ZNF33B: variants seen among roughly 807,000 people sequenced by gnomAD.
ZNF33B encodes zinc finger protein 11b (KOX 2).
ZNF33B carries 29 observed loss-of-function variants against 45.8 expected under a neutral mutation model. The observed-to-expected ratio is 0.63, with a 90% confidence interval of 0.47 to 0.86. The LOEUF is 0.86. Among genes scored for constraint, ZNF33B ranks in the 40% least tolerant of loss-of-function variants. The pLI is 0.00. For synonymous variants in ZNF33B, 305 were observed against 307.8 expected, an observed-to-expected ratio of 0.99 and a Z score of 0.10; for missense variants, 831 against 909.9, an observed-to-expected ratio of 0.91 and a Z score of 1.12.
At chr10:42,584,552 G>A (rs1032440265), downstream of ZNF33B, among the ~76,000 whole-genome samples, 14 of 150,692 alleles carry the variant, frequency 9.3e-5, no homozygotes, top group African/African-American at 1.5e-4. Flanking sequence ...ACAGAGTTTC[G>A]CTCTTTCTCC....
At chr10:42,583,005 A>G (rs1046727279) in intron 1 of ZNF33B, 7 of 725,860 alleles carry the variant, frequency 9.6e-6, no homozygotes, top group African/African-American at 3.4e-5. Flanking sequence ...GTAGTTTGGA[A>G]GAAGGGAAGG....
At chr10:42,597,865 T>C (rs2132052861) in intron 4 of ZNF33B, among the ~76,000 whole-genome samples, 1 of 152,346 alleles carries the variant, frequency 6.6e-6, no homozygotes. Context: ...TACAATGGCA[T>C]TTTAATGTTT....
In ZNF33B at chr10:42,591,218, C is replaced by G. The variant is rs921652225; in HGVS notation, c.*1395G>C. 3.4e-6 allele frequency: 3 copies of G among 888,630 alleles called. No individual in the cohort carries two copies. The African/African-American group carries it at 5.5e-5, about 16-fold the overall frequency. 55.0% of individuals were successfully genotyped at this position (888,630 alleles called of 1,614,324 possible). A position where few individuals can be genotyped will look rare whatever the true frequency, so the allele number is the denominator to read the frequency against. On this transcript the variant is annotated 3_prime_UTR_variant, in exon 5 of 5. Transcript: ENST00000359467. ...GAAATGACAGTCCAACAGCCCTGGGCAGCAACTGGGCTGTATGTGTGGGCC... is the reference window on the plus strand; with the variant it reads ...GAAATGACAGTCCAACAGCCCTGGGGAGCAACTGGGCTGTATGTGTGGGCC...
chr10:42,631,973 T>A lies in ZNF33B; in HGVS notation c.206A>T (p.Glu69Val), dbSNP rs1293850696. Residue 69 changes from glutamate (E) to valine (V), a missense_variant, in exon 4 of 5, where the codon GAA becomes GTA. Transcript: ENST00000359467. ...EVIFRLEQGE[E>V]PWRLEEEFPS... ...GAATTCTTCCTCCAGTCTCCATGGT[T>A]CTTCTCCTTGTTCCAGCCTGAAGAT... is the stretch of plus-strand genomic sequence containing the variant. 1 of 1,614,040 alleles carries A rather than the reference T, an allele frequency of 6.2e-7. No individual in the cohort carries two copies. The highest frequency in any genetic ancestry group is 1.7e-5 in the Admixed American group (1 of 60,008).
chr10:42,605,902 C>G (rs1195606609), intron 4 of ZNF33B, among the ~76,000 whole-genome samples: 2 of 151,998 alleles, frequency 1.3e-5, no homozygotes. Context: ...TCAAGATCAG[C>G]TTAGGCAACA....
chr10:42,608,200 C>G (rs903019715), intron 4 of ZNF33B, among the ~76,000 whole-genome samples: 1 of 152,002 alleles, frequency 6.6e-6, no homozygotes. Flanking sequence ...TCAAAGTACG[C>G]GTAGCAAAAA....
intron 4 of ZNF33B, among the ~76,000 whole-genome samples, chr10:42,628,024 T>C (rs968661365): frequency 6.6e-6 from 1 of 152,126 alleles, no homozygotes; most frequent in Non-Finnish European, 1.5e-5. Flanking sequence ...CTATTCTTTT[T>C]CCTTTTTTTT....
intron 2 of ZNF33B, among the ~76,000 whole-genome samples, chr10:42,635,758 C>T (rs1396245593): frequency 1.1e-4 from 16 of 147,718 alleles, no homozygotes; most frequent in Admixed American, 1.0e-3. Context: ...TGCAGTGAGC[C>T]GAGATTGCAT....
downstream of ZNF33B, among the ~76,000 whole-genome samples, chr10:42,587,152 C>T (rs532733435): frequency 3.3e-5 from 5 of 152,110 alleles, no homozygotes; most frequent in African/African-American, 1.2e-4. Flanking sequence ...AAAGGCCAAA[C>T]CTTTGCAAGC....
Position 42,593,215 on chromosome 10 carries a change from T to C in ZNF33B, c.1735A>G (p.Lys579Glu), listed in dbSNP as rs746973310. ...SQHYRTHTGE[K>E]PYECHECGKI... The stretch of plus-strand genomic sequence containing the variant: ...CCACATTCATGACATTCATAGGGTT[T>C]CTCCCCCGTGTGTGTTCTATAATGT... Residue 579 changes from lysine to glutamate, a missense_variant, in exon 5 of 5, where the codon AAA becomes GAA. Physicochemically the swap from Lys to Glu is moderately conservative, Grantham distance 56. Transcript: ENST00000359467. 6.2e-7 allele frequency: 1 copy of C among 1,613,826 alleles called. No individual in the cohort carries two copies. Among genetic ancestry groups the C allele is most frequent in the African/African-American group, 1.3e-5 (1 of 75,032 alleles).
chr10:42,636,107 AAC>A (rs1839289232), intron 2 of ZNF33B, among the ~76,000 whole-genome samples: 1 of 152,156 alleles, frequency 6.6e-6, no homozygotes, highest in Non-Finnish European at 1.5e-5. Context: ...CCAGCCAGGC[AAC>A]AGAGCGAGAC....
At chr10:42,635,787 C>T (rs186710628) in intron 2 of ZNF33B, among the ~76,000 whole-genome samples, 2 of 141,114 alleles carry the variant, frequency 1.4e-5, no homozygotes, top group African/African-American at 2.7e-5. Flanking sequence ...TACAGCCTGG[C>T]GACAGAGCAA....
intron 4 of ZNF33B, among the ~76,000 whole-genome samples, chr10:42,626,899 CT>C (rs1707572668): frequency 6.6e-6 from 1 of 151,874 alleles, no homozygotes; most frequent in South Asian, 2.1e-4. Flanking sequence ...ATTAAGTCAA[CT>C]TTTATGAAAA....
At chr10:42,632,076 C>T in intron 3 of ZNF33B, 52 bp from the exon 4 acceptor site, 1 of 1,579,234 alleles carries the variant, frequency 6.3e-7, no homozygotes, top group African/African-American at 1.4e-5. Context: ...AGACTTCAGG[C>T]CTTTGAAGCA....
At chr10:42,614,042 G>A (rs548910378) in intron 4 of ZNF33B, among the ~76,000 whole-genome samples, 129 of 152,288 alleles carry the variant, frequency 8.5e-4, no homozygotes, top group African/African-American at 3.0e-3. Context: ...ACATTGTTCC[G>A]ATGTGTACAA....
chr10:42,593,103 T>C lies in ZNF33B; in HGVS notation c.1847A>G (p.Lys616Arg), dbSNP rs771863066. The change falls in exon 5 of 5, where the codon AAA becomes AGA. Residue 616 changes from lysine (K) to arginine (R), a missense_variant. Physicochemically the swap from Lys to Arg is conservative, Grantham distance 26. Coordinates refer to ENST00000359467, the MANE Select transcript of ZNF33B (RefSeq NM_006955.3). Reference protein sequence around the residue: ...EKPYECNECGKTFCQKSQLTQ... With the variant: ...EKPYECNECGRTFCQKSQLTQ... ...GAGTTGTGACTTCTGGCAGAAGGTT[T>C]TTCCACATTCATTACATTCATAGGG... 4.3e-5 allele frequency: 70 copies of C among 1,613,982 alleles called. No homozygotes were observed. The highest frequency in any genetic ancestry group is 5.7e-5 in the Non-Finnish European group (67 of 1,179,996).
At chr10:42,596,320 G>A (rs1837398275) in intron 4 of ZNF33B, among the ~76,000 whole-genome samples, 3 of 151,838 alleles carry the variant, frequency 2.0e-5, no homozygotes. Flanking sequence ...TGAAGAAAAA[G>A]TACTCTGGAC....
At chr10:42,577,496 C>A (rs1390619288) in intron 1 of ZNF33B, among the ~76,000 whole-genome samples, 1 of 152,226 alleles carries the variant, frequency 6.6e-6, no homozygotes, top group Non-Finnish European at 1.5e-5. Flanking sequence ...TGTAAGTTGT[C>A]ACTTGCATCC....
intron 4 of ZNF33B, among the ~76,000 whole-genome samples, chr10:42,607,250 C>T (rs1837900555): frequency 6.6e-6 from 1 of 151,838 alleles, no homozygotes; most frequent in Middle Eastern, 3.2e-3. Flanking sequence ...TCTAGAGCAA[C>T]CACTAGGTAA....
Sources: gnomAD v4.1 joint callset for allele counts (sites outside exome capture counted in the v4.1 genomes callset) on GRCh38, gnomAD v4.1.1 for gene constraint, MANE v1.5 for transcripts, NCBI Gene and HGNC (gene_info 2026-07-23, HGNC 2026-07-21) for gene names.